Variants in HMOX2 observed in about 807,000 individuals in gnomAD.
The protein encoded by HMOX2 is heme oxygenase (decycling) 2.
HMOX2 carries 30 observed loss-of-function variants against 33.7 expected under a neutral mutation model. The ratio of observed to expected loss-of-function variants is 0.89; its 90% CI spans 0.67 to 1.21. The LOEUF (loss-of-function observed/expected upper bound fraction) is 1.21, where lower values mean the gene tolerates loss of function less well. Among genes scored for constraint, HMOX2 ranks in the 50% most tolerant of loss-of-function variants. The probability of loss-of-function intolerance (pLI) is 0.00; values close to 1 mark genes in which losing one functional copy is unlikely to be tolerated. For synonymous variants in HMOX2, 155 were observed against 155.0 expected (o/e 1.00, Z 0.00); for missense variants, 403 against 399.1 (o/e 1.01, Z -0.08).
chr16:4,500,287 C>T (rs1039917253), intron 1 of HMOX2, among the ~76,000 whole-genome samples: 1 of 152,170 alleles, frequency 6.6e-6, no homozygotes, highest in African/African-American at 2.4e-5. Flanking sequence ...TCCTGATGCC[C>T]AACTGCAAGG....
In HMOX2 at chr16:4,505,470, T is replaced by A; in HGVS notation, c.-41-14T>A. On this transcript the variant is annotated splice_polypyrimidine_tract_variant and intron_variant, in intron 1 of 5. Coordinates refer to ENST00000570646, the MANE Select transcript of HMOX2 (RefSeq NM_002134.4). ...CCGTGGGTGCCACATCACCAGCTCC[T>A]TGTGTCTCTGCAGGACCAGAGGAGC... The A allele has an allele frequency of 1.4e-6, 2 of 1,392,748 alleles. No individual in the cohort carries two copies. The highest frequency in any genetic ancestry group is 2.0e-6 in the Non-Finnish European group (2 of 1,006,354). The allele number at this position is 1,392,748 out of a possible 1,614,324, so 86.3% of individuals were successfully genotyped here.
Position 4,493,877 on chromosome 16 carries a change from T to C in HMOX2, c.-41-11607T>C, listed in dbSNP as rs2058357753. Among the ~76,000 whole-genome samples the C allele has an allele frequency of 2.6e-5, 4 of 152,232 alleles. No homozygotes were observed. In the South Asian group the frequency reaches 8.3e-4, roughly 31 times the overall value. On this transcript the variant is annotated intron_variant, in intron 1 of 5. Coordinates refer to ENST00000570646, the MANE Select transcript of HMOX2 (RefSeq NM_002134.4). ...GGAGGGATTCAGTCTTCTTATCATATAATACATACAGAAATACAAATATTT... is the reference window on the plus strand; with the variant it reads ...GGAGGGATTCAGTCTTCTTATCATACAATACATACAGAAATACAAATATTT...
rs886460663 is a variant in HMOX2, at chr16:4,502,237, T to G, written c.-41-3247T>G. On this transcript the variant is annotated intron_variant, in intron 1 of 5. Transcript: ENST00000570646. ...ACTGTGCCTGGCTCCTTTTTGTATT[T>G]TTCGGAGAAGCACAAGGACTTGTTG... 2.0e-5 allele frequency among the ~76,000 whole-genome samples: 3 copies of G among 152,206 alleles called. No individual in the cohort carries two copies. The East Asian group carries it at 5.8e-4, about 29-fold the overall frequency.
chr16:4,480,871 C>G (rs577816494), intron 1 of HMOX2, among the ~76,000 whole-genome samples: 3 of 150,338 alleles, frequency 2.0e-5, no homozygotes, highest in African/African-American at 7.3e-5. Context: ...TCAGGCTGGT[C>G]TCAAACTTCT....
chr16:4,501,807 C>G (rs2058565715), intron 1 of HMOX2, among the ~76,000 whole-genome samples: 1 of 152,178 alleles, frequency 6.6e-6, no homozygotes. Context: ...GAATGCCACA[C>G]TGTGTGGCCA....
chr16:4,509,556 G>C lies in HMOX2; in HGVS notation c.823+18G>C. On this transcript the variant is annotated intron_variant, in intron 5 of 5. Transcript: ENST00000570646. ...AGACAAAGGTAGGTCTGTGTGTCCTGAGCTCCCCTCCTGGGGCAGGTGTAG... is the reference window on the plus strand; with the variant it reads ...AGACAAAGGTAGGTCTGTGTGTCCTCAGCTCCCCTCCTGGGGCAGGTGTAG... 1 of 1,614,134 alleles carries C rather than the reference G, an allele frequency of 6.2e-7. No individual in the cohort carries two copies. Among genetic ancestry groups the C allele is most frequent in the Non-Finnish European group, 8.5e-7 (1 of 1,180,016 alleles).
intron 5 of HMOX2, 29 bp from the exon 6 acceptor site, chr16:4,509,600 C>G (rs759970163): frequency 2.9e-5 from 46 of 1,613,650 alleles, no homozygotes; most frequent in Non-Finnish European, 3.7e-5. Context: ...TCCACTGATG[C>G]CATGTCTCCT....
chr16:4,506,519 T>G (rs2058696237), intron 2 of HMOX2, among the ~76,000 whole-genome samples: 1 of 152,216 alleles, frequency 6.6e-6, no homozygotes, highest in Non-Finnish European at 1.5e-5. Flanking sequence ...CAAGGCAGGC[T>G]GTTCTTAGAG....
chr16:4,487,011 G>T (rs1403186810), intron 1 of HMOX2, among the ~76,000 whole-genome samples: 2 of 152,226 alleles, frequency 1.3e-5, no homozygotes, highest in African/African-American at 4.8e-5. Flanking sequence ...TGTAATCCCA[G>T]TACTTTGGGA....
intron 1 of HMOX2, among the ~76,000 whole-genome samples, chr16:4,483,956 C>T (rs1463640019): frequency 2.0e-5 from 3 of 148,588 alleles, no homozygotes; most frequent in Non-Finnish European, 4.4e-5. Context: ...GTATCACACC[C>T]GTGCATATGC....
chr16:4,506,415 T>C (rs570897923), intron 2 of HMOX2, among the ~76,000 whole-genome samples: 2 of 152,304 alleles, frequency 1.3e-5, no homozygotes, highest in Admixed American at 1.3e-4. Flanking sequence ...TCAAAGAAGC[T>C]GTGGGTCCAA....
intron 1 of HMOX2, among the ~76,000 whole-genome samples, chr16:4,500,540 C>T (rs1157727213): frequency 1.3e-5 from 2 of 152,098 alleles, no homozygotes; most frequent in African/African-American, 4.8e-5. Context: ...AGCTCAGCAA[C>T]CTGCTCTCTT....
At chr16:4,475,753 C>A (rs2057805405), upstream of HMOX2, among the ~76,000 whole-genome samples, 1 of 151,856 alleles carries the variant, frequency 6.6e-6, no homozygotes, top group Non-Finnish European at 1.5e-5. Context: ...GCCTGGCCAA[C>A]ATGGTGAAAC....
At chr16:4,476,194 C>G (rs1225037128), upstream of HMOX2, 1 of 152,362 alleles carries the variant, frequency 6.6e-6, no homozygotes, top group East Asian at 1.9e-4. Context: ...CACACCTCGG[C>G]TCTTGTGAAC....
chr16:4,508,376 G>C (rs2058748693), intron 4 of HMOX2, among the ~76,000 whole-genome samples, 172 bp downstream of exon 4: 1 of 152,170 alleles, frequency 6.6e-6, no homozygotes, highest in Non-Finnish European at 1.5e-5. Flanking sequence ...CCAGTGGGTG[G>C]TTCCCAGCAT....
At chr16:4,487,336 C>G (rs538224125) in intron 1 of HMOX2, among the ~76,000 whole-genome samples, 61 of 151,630 alleles carry the variant, frequency 4.0e-4, no homozygotes, top group African/African-American at 1.4e-3. Flanking sequence ...GGCGGATCAC[C>G]TGAGATCAGG....
chr16:4,495,521 C>G (rs1011576205), intron 1 of HMOX2: 1 of 152,154 alleles, frequency 6.6e-6, no homozygotes, highest in South Asian at 2.1e-4. Context: ...ATACCTTACT[C>G]TATAGGCCTG....
chr16:4,485,279 T>A (rs1404081349), intron 1 of HMOX2, among the ~76,000 whole-genome samples: 1 of 152,118 alleles, frequency 6.6e-6, no homozygotes, highest in Admixed American at 6.6e-5. Context: ...TTCTGAATAT[T>A]TTTAATCTGA....
intron 1 of HMOX2, among the ~76,000 whole-genome samples, chr16:4,480,902 C>T (rs1244691503): frequency 6.6e-6 from 1 of 151,346 alleles, no homozygotes; most frequent in Non-Finnish European, 1.5e-5. Context: ...GATCCACCTA[C>T]CTCGGCCTCC....
Sources: gnomAD v4.1 joint callset for allele counts (sites outside exome capture counted in the v4.1 genomes callset) on GRCh38, gnomAD v4.1.1 for gene constraint, MANE v1.5 for transcripts, NCBI Gene and HGNC (gene_info 2026-07-23, HGNC 2026-07-21) for gene names.